The following PRKAR1B variants were observed in gnomAD, a reference collection of about 807,000 sequenced individuals.
PRKAR1B encodes protein kinase cAMP-dependent type I regulatory subunit beta.
PRKAR1B carries 22 observed loss-of-function variants against 46.5 expected under a neutral mutation model. The ratio of observed to expected loss-of-function variants is 0.47; its 90% CI spans 0.34 to 0.68. The LOEUF (loss-of-function observed/expected upper bound fraction) is 0.68, where lower values mean the gene tolerates loss of function less well. Among genes scored for constraint, PRKAR1B ranks in the 30% least tolerant of loss-of-function variants. The pLI is 0.01. For synonymous variants in PRKAR1B, 259 were observed against 217.7 expected, an observed-to-expected ratio of 1.19 and a Z score of -1.67; for missense variants, 445 against 535.6, an observed-to-expected ratio of 0.83 and a Z score of 1.67.
At chr7:693,010 C>A (rs1224564775) in intron 2 of PRKAR1B, among the ~76,000 whole-genome samples, 2 of 151,980 alleles carry the variant, frequency 1.3e-5, no homozygotes, top group African/African-American at 4.8e-5. Context: ...TCTCGGCTCA[C>A]TGCAAGCTCC....
chr7:596,517 G>A (rs776100596), intron 6 of PRKAR1B, among the ~76,000 whole-genome samples: 13 of 152,228 alleles, frequency 8.5e-5, no homozygotes, highest in Non-Finnish European at 7.3e-5. Context: ...TGAGAGCCAC[G>A]GTGGGACAGC....
chr7:719,678 G>A (rs1781005381), intron 1 of PRKAR1B, among the ~76,000 whole-genome samples: 1 of 152,136 alleles, frequency 6.6e-6, no homozygotes, highest in South Asian at 2.1e-4. Flanking sequence ...TCTGGGGAAA[G>A]AAGAGAGGTC....
intron 4 of PRKAR1B, among the ~76,000 whole-genome samples, chr7:612,740 C>A (rs1223026708): frequency 2.0e-5 from 3 of 149,636 alleles, no homozygotes; most frequent in African/African-American, 7.7e-5. Context: ...CTCAGTTCCA[C>A]ATTTAGGAAC....
chr7:579,190 G>C (rs1333601599), intron 9 of PRKAR1B, 66 bp downstream of exon 9: 7 of 1,611,320 alleles, frequency 4.3e-6, no homozygotes, highest in Non-Finnish European at 5.9e-6. Context: ...AGTGGAAGAG[G>C]AGAAGGTAAG....
At position 694,374 on chromosome 7, in the gene PRKAR1B, G is replaced by C. The variant is rs533486072; in HGVS notation, c.178-13648C>G. ...CCGGGACCAAGACACAAGCTCCAGG[G>C]TTTAGACCCCGGACCAAGACATCAG... On this transcript the variant is annotated intron_variant, in intron 2 of 10. Transcript: ENST00000537384. Among the ~76,000 whole-genome samples, 1,081 of 142,756 alleles carry C rather than the reference G, an allele frequency of 7.6e-3. 12 individuals carry two copies. Among genetic ancestry groups the C allele is most frequent in the Middle Eastern group, 0.046 (13 of 282 alleles). The allele number at this position is 142,756 out of a possible 152,430, so 93.7% of individuals were successfully genotyped here.
intron 4 of PRKAR1B, among the ~76,000 whole-genome samples, chr7:671,914 A>G (rs1051482231): frequency 1.3e-5 from 2 of 152,110 alleles, no homozygotes; most frequent in African/African-American, 4.8e-5. Flanking sequence ...CTTTCTGCCC[A>G]TCCTGAATGA....
chr7:677,184 G>A (rs370104383), intron 4 of PRKAR1B, 45 bp downstream of exon 4: 50 of 1,584,058 alleles, frequency 3.2e-5, no homozygotes, highest in African/African-American at 2.3e-4. Flanking sequence ...CCCGGAGGCC[G>A]AGGAGGGCGG....
chr7:569,174 G>C (rs893087812), intron 9 of PRKAR1B, among the ~76,000 whole-genome samples: 9 of 152,184 alleles, frequency 5.9e-5, no homozygotes, highest in African/African-American at 2.2e-4. Context: ...CCCTGTCTCA[G>C]TCCGCAAGCG....
intron 9 of PRKAR1B, among the ~76,000 whole-genome samples, chr7:553,342 G>A (rs925826685): frequency 2.6e-5 from 4 of 152,196 alleles, no homozygotes; most frequent in Admixed American, 6.5e-5. Flanking sequence ...GACACTCCCC[G>A]AATTCCACTC....
intron 4 of PRKAR1B, among the ~76,000 whole-genome samples, chr7:611,278 T>C (rs887216579): frequency 6.6e-6 from 1 of 152,170 alleles, no homozygotes; most frequent in Admixed American, 6.5e-5. Flanking sequence ...TCTCTCTGTC[T>C]CTCTCTCCAT....
chr7:606,043 G>A, intron 6 of PRKAR1B, 150 bp downstream of exon 6: 2 of 706,374 alleles, frequency 2.8e-6, no homozygotes, highest in Non-Finnish European at 4.9e-6. Flanking sequence ...TCTCTTCCAA[G>A]AGATAGCAGT....
rs1459322590 is a variant in PRKAR1B at position 558,752 on chromosome 7, CA to C, written c.892-7283del. Among the ~76,000 whole-genome samples the C allele has an allele frequency of 2.0e-5, 3 of 151,080 alleles. No homozygotes were observed. The South Asian group carries it at 6.3e-4, about 32-fold the overall frequency. On this transcript the variant is annotated intron_variant, in intron 9 of 10. Coordinates refer to ENST00000537384, the MANE Select transcript of PRKAR1B (RefSeq NM_001164760.2). Reference sequence around the variant, plus strand: ...GGGCAACAAGAGCGAAAGTCCATCTCAAAAAAAGAAAAAAAAAGAAGAAGGA... The same window carrying C: ...GGGCAACAAGAGCGAAAGTCCATCTCAAAAAAGAAAAAAAAAGAAGAAGGA...
chr7:591,253 C>T (rs1328173205), intron 7 of PRKAR1B, among the ~76,000 whole-genome samples: 2 of 152,210 alleles, frequency 1.3e-5, no homozygotes, highest in Non-Finnish European at 2.9e-5. Context: ...TGAGGCAGGG[C>T]TGGGAGCTGG....
rs2032124723 is a variant in PRKAR1B at position 727,192 on chromosome 7, G to T, written c.-23+18C>A. 2 of 1,344,678 alleles carry T rather than the reference G, an allele frequency of 1.5e-6. No individual in the cohort carries two copies. The highest frequency in any genetic ancestry group is 3.1e-5 in the African/African-American group (2 of 64,930). The allele number at this position is 1,344,678 out of a possible 1,614,324, so 83.3% of individuals were successfully genotyped here. A position where few individuals can be genotyped will look rare whatever the true frequency, so the allele number is the denominator to read the frequency against. On this transcript the variant is annotated intron_variant, in intron 1 of 10. Coordinates refer to ENST00000537384, the MANE Select transcript of PRKAR1B (RefSeq NM_001164760.2). ...GGGCCTGGCCGTGGACCTGTGCGGC[G>T]CCGCGCTCGCGCCCCACCTGGACGA... is the stretch of plus-strand genomic sequence containing the variant.
intron 2 of PRKAR1B, among the ~76,000 whole-genome samples, chr7:704,628 G>A (rs1023448049): frequency 1.3e-5 from 2 of 151,892 alleles, no homozygotes; most frequent in African/African-American, 4.8e-5. Context: ...ATACAAAAAT[G>A]AGCCAGGCGC....
At chr7:597,165 T>C (rs1157352848) in intron 6 of PRKAR1B, among the ~76,000 whole-genome samples, 1 of 152,260 alleles carries the variant, frequency 6.6e-6, no homozygotes. Context: ...TAAAGAATAG[T>C]TCCCATTGGC....
At position 603,622 on chromosome 7, in the gene PRKAR1B, G is replaced by GGCA. The variant is rs1562554784; in HGVS notation, c.549+2570_549+2571insTGC. Among the ~76,000 whole-genome samples the GGCA allele has an allele frequency of 6.4e-3, 789 of 123,172 alleles. 30 individuals are homozygous for GGCA. Among genetic ancestry groups the GGCA allele is most frequent in the African/African-American group, 0.015 (393 of 26,866 alleles). 80.8% of individuals were successfully genotyped at this position (123,172 alleles called of 152,430 possible). On this transcript the variant is annotated intron_variant, in intron 6 of 10. Transcript: ENST00000537384. The stretch of plus-strand genomic sequence containing the variant: ...CTCCAGGACCCAGAGTGGAGGTGAT[G>GGCA]GGGGAGGAGGTGACACCAGGACCCA...
chr7:661,457 C>G (rs1290954911), intron 4 of PRKAR1B, among the ~76,000 whole-genome samples: 15 of 102,776 alleles, frequency 1.5e-4, no homozygotes, highest in Non-Finnish European at 2.2e-4. Flanking sequence ...ACTCTCCCCC[C>G]CATGGCACAG....
intron 4 of PRKAR1B, among the ~76,000 whole-genome samples, chr7:659,746 C>T (rs1369346237): frequency 6.6e-6 from 1 of 152,198 alleles, no homozygotes; most frequent in Admixed American, 6.5e-5. Context: ...CGGAGTCTCG[C>T]TCTGTCGCCC....
Sources: allele counts gnomAD v4.1 joint callset (sites outside exome capture counted in the v4.1 genomes callset), GRCh38; gene constraint gnomAD v4.1.1; transcripts MANE v1.5; gene names NCBI Gene and HGNC (gene_info 2026-07-23, HGNC 2026-07-21).